Variants in HTR3E observed in about 807,000 individuals in gnomAD.
HTR3E encodes 5-hydroxytryptamine (serotonin) receptor 3, family member E.
Under a neutral mutation model 38.0 loss-of-function variants are expected in HTR3E, and 38 were observed. The ratio of observed to expected loss-of-function variants is 1.00; its 90% confidence interval spans 0.77 to 1.31. The LOEUF is 1.31. HTR3E is among the 50% of genes most tolerant of loss of function. The probability of loss-of-function intolerance (pLI) is 0.00; values close to 1 mark genes in which losing one functional copy is unlikely to be tolerated. For missense variants in HTR3E, 547 were observed against 585.2 expected (o/e 0.93, Z 0.67); for synonymous variants, 210 against 232.9 (o/e 0.90, Z 0.89).
chr3:184,097,577 T>G lies in HTR3E; in HGVS notation c.48T>G (p.Leu16=). The G allele has an allele frequency of 6.5e-7, 1 of 1,535,858 alleles. No individual in the cohort carries two copies. Among genetic ancestry groups the G allele is most frequent in the Non-Finnish European group, 8.7e-7 (1 of 1,146,710 alleles). ...GGAAAAGATTTTCCTTCTACCTCCT[T>G]CTCGGTTTTCTGCTTCAAGGTAAGA... is the stretch of plus-strand genomic sequence containing the variant. ...FHRKRFSFYL[L]LGFLLQGRGV... Residue 16 remains leucine, a synonymous_variant, in exon 1 of 9, where the codon CTT becomes CTG. Coordinates refer to ENST00000415389, the MANE Select transcript of HTR3E (RefSeq NM_001256613.2).
intron 2 of HTR3E, among the ~76,000 whole-genome samples, chr3:184,101,090 T>C (rs929578059): frequency 6.6e-6 from 1 of 152,128 alleles, no homozygotes; most frequent in Non-Finnish European, 1.5e-5. Context: ...ATTTCAGGCA[T>C]GCGTCACAAC....
rs757773747 is a variant in HTR3E, at chr3:184,101,546, A to G, written c.279+17A>G. 6.3e-7 allele frequency: 1 copy of G among 1,589,804 alleles called. No homozygotes were observed. The highest frequency in any genetic ancestry group is 8.6e-7 in the Non-Finnish European group (1 of 1,157,716). On this transcript the variant is annotated intron_variant, in intron 3 of 8. Transcript: ENST00000415389. Reference sequence around the variant, plus strand: ...CTGGAAATGGTATGGACAACACTTTATTCTCTCCCTACAGTTACAGTCAAA... The same window carrying G: ...CTGGAAATGGTATGGACAACACTTTGTTCTCTCCCTACAGTTACAGTCAAA...
rs1316583238 is a variant in HTR3E at position 184,105,415 on chromosome 3, G to A, written c.708G>A (p.Gln236=). The part of the protein sequence containing the change: ...KLSRGGNLYD[Q]IVFYVAIRRR... ...CCAGGGGAGGCAACCTGTATGATCA[G>A]ATCGTGTTCTATGTGAGCTTGGAGG... Residue 236 remains glutamine, a synonymous_variant, in exon 6 of 9, where the codon CAG becomes CAA. Transcript: ENST00000415389. 1 of 1,609,218 alleles carries A rather than the reference G, an allele frequency of 6.2e-7. No homozygotes were observed.
intron 2 of HTR3E, 42 bp downstream of exon 2, chr3:184,100,693 T>G: frequency 6.3e-7 from 1 of 1,583,334 alleles, no homozygotes. Context: ...GTCCTTAACC[T>G]TTTTCCAGCC....
At position 184,105,247 on chromosome 3, in the gene HTR3E, C is replaced by T; in HGVS notation, c.560-20C>T. On this transcript the variant is annotated intron_variant, in intron 5 of 8. Coordinates refer to ENST00000415389, the MANE Select transcript of HTR3E (RefSeq NM_001256613.2). ...GAAACTATCTCCTTGAAAAATGATT[C>T]AGATGGTTCTCATTTTCAGTGGACA... The T allele has an allele frequency of 6.3e-7, 1 of 1,588,740 alleles. No homozygotes were observed. Among genetic ancestry groups the T allele is most frequent in the African/African-American group, 1.4e-5 (1 of 73,866 alleles).
At chr3:184,101,985 A>G (rs1275096379) in intron 3 of HTR3E, among the ~76,000 whole-genome samples, 4 of 152,064 alleles carry the variant, frequency 2.6e-5, no homozygotes, top group African/African-American at 9.7e-5. Flanking sequence ...GTGAGACTCT[A>G]TCTCAAAAAC....
Position 184,100,510 on chromosome 3 carries a change from T to C in HTR3E, c.93T>C (p.Asn31=), listed in dbSNP as rs758542008. Residue 31 remains asparagine, a synonymous_variant, in exon 2 of 9, where the codon AAT becomes AAC. Coordinates refer to ENST00000415389, the MANE Select transcript of HTR3E (RefSeq NM_001256613.2). ...LQGRGVTFTI[N]CSGFGQHGAD... ...GAAGGGGCGTTACTTTCACCATCAA[T>C]TGCTCAGGGTTTGGCCAGCACGGGG... 5.6e-6 allele frequency: 9 copies of C among 1,614,036 alleles called. No homozygotes were observed. The Admixed American group carries it at 1.2e-4, about 21-fold the overall frequency.
In HTR3E at chr3:184,104,783, C is replaced by T. The variant is rs762037584; in HGVS notation, c.390-4C>T. On this transcript the variant is annotated splice_region_variant and splice_polypyrimidine_tract_variant and intron_variant, in intron 4 of 8. Transcript: ENST00000415389. Reference sequence around the variant, plus strand: ...ACCTGCCTCTTGCGTTATCTCTCCTCCAGCATGGATGTGGATAAGACCCCA... The same window carrying T: ...ACCTGCCTCTTGCGTTATCTCTCCTTCAGCATGGATGTGGATAAGACCCCA... 5 of 1,607,114 alleles carry T rather than the reference C, an allele frequency of 3.1e-6. No homozygotes were observed. The highest frequency in any genetic ancestry group is 4.2e-6 in the Non-Finnish European group (5 of 1,177,132).
chr3:184,098,800 T>G (rs181675735), intron 1 of HTR3E, among the ~76,000 whole-genome samples: 1 of 152,050 alleles, frequency 6.6e-6, no homozygotes, highest in Admixed American at 6.5e-5. Flanking sequence ...ATCCCAGCAC[T>G]TGGGACGCTG....
In HTR3E at chr3:184,101,478, T is replaced by C; in HGVS notation, c.235-7T>C. The C allele has an allele frequency of 6.2e-7, 1 of 1,613,654 alleles. No homozygotes were observed. The highest frequency in any genetic ancestry group is 1.7e-4 in the Middle Eastern group (1 of 6,058). On this transcript the variant is annotated splice_region_variant and splice_polypyrimidine_tract_variant and intron_variant, in intron 2 of 8. Coordinates refer to ENST00000415389, the MANE Select transcript of HTR3E (RefSeq NM_001256613.2). Reference sequence around the variant, plus strand: ...AACATGATGGAAATAGGAAATTCTTTTGGCAGAATGAACAGCTGCACCTCT... The same window carrying C: ...AACATGATGGAAATAGGAAATTCTTCTGGCAGAATGAACAGCTGCACCTCT...
At position 184,106,345 on chromosome 3, in the gene HTR3E, T is replaced by C. The variant is rs1712457867; in HGVS notation, c.1141+2T>C. ...GTCTCACCCCCACCCACCTGCCCGGTGAGGGAAGTCACATTCCTCTTCCCC... is the reference window on the plus strand; with the variant it reads ...GTCTCACCCCCACCCACCTGCCCGGCGAGGGAAGTCACATTCCTCTTCCCC... On this transcript the variant is annotated splice_donor_variant, in intron 8 of 8. Transcript: ENST00000415389. LOFTEE classifies it high-confidence loss of function. The surrounding 1 kb of genome is among the most constrained non-coding windows in gnomAD (Gnocchi z 4.1). 1 of 1,606,380 alleles carries C rather than the reference T, an allele frequency of 6.2e-7. No individual in the cohort carries two copies. The highest frequency in any genetic ancestry group is 1.1e-5 in the South Asian group (1 of 90,242).
At position 184,105,671 on chromosome 3, in the gene HTR3E, G is replaced by C. The variant is rs1014680687; in HGVS notation, c.721-94G>C. 3.1e-5 allele frequency: 36 copies of C among 1,163,088 alleles called. No homozygotes were observed. In the African/African-American group the frequency reaches 4.9e-4, roughly 16 times the overall value. The allele number at this position is 1,163,088 out of a possible 1,614,324, so 72.0% of individuals were successfully genotyped here. ...GATCCCAGGGTGATATCAGGCCAAAGAAAAAGGCAGAGACAGAAATTGTCA... is the reference window on the plus strand; with the variant it reads ...GATCCCAGGGTGATATCAGGCCAAACAAAAAGGCAGAGACAGAAATTGTCA... On this transcript the variant is annotated intron_variant, in intron 6 of 8. Transcript: ENST00000415389.
rs1560097393 is a variant in HTR3E at position 184,105,971 on chromosome 3, T to C, written c.925+2T>C. 5 of 1,614,068 alleles carry C rather than the reference T, an allele frequency of 3.1e-6. No homozygotes were observed. The highest frequency in any genetic ancestry group is 3.4e-6 in the Non-Finnish European group (4 of 1,179,954). ...CCACCAGTGGCACCCCCCTCATCGG[T>C]ATGGCTCCTCCCACCTTTTGGAAGA... On this transcript the variant is annotated splice_donor_variant, in intron 7 of 8. Transcript: ENST00000415389. LOFTEE classifies it high-confidence loss of function.
At position 184,104,357 on chromosome 3, in the gene HTR3E, C is replaced by T. The variant is rs13322315; in HGVS notation, c.389+66C>T. ...GGTAGCCACAGAGATCACAGTTTAC[C>T]ATTGGGGCCACTGTAAGTGGTCTTT... On this transcript the variant is annotated intron_variant, in intron 4 of 8. Transcript: ENST00000415389. The T allele has an allele frequency of 5.7e-3, 8,792 of 1,551,490 alleles. 434 individuals are homozygous for T. The African/African-American group carries it at 0.11, about 19-fold the overall frequency.
In HTR3E at chr3:184,097,443, G is replaced by T; in HGVS notation, c.-87G>T. The T allele has an allele frequency of 1.1e-6, 1 of 905,436 alleles. No homozygotes were observed. Among genetic ancestry groups the T allele is most frequent in the South Asian group, 1.5e-5 (1 of 67,446 alleles). 56.1% of individuals were successfully genotyped at this position (905,436 alleles called of 1,614,324 possible). A position where few individuals can be genotyped will look rare whatever the true frequency, so the allele number is the denominator to read the frequency against. ...TCAACCAATGCTATTAGTATTCAAA[G>T]TCAGACTCTAGGTGTGGCCTGTGCT... is the stretch of plus-strand genomic sequence containing the variant. On this transcript the variant is annotated 5_prime_UTR_variant, in exon 1 of 9. Transcript: ENST00000415389.
intron 4 of HTR3E, 116 bp downstream of exon 4, chr3:184,104,407 G>C: frequency 1.4e-6 from 2 of 1,464,456 alleles, no homozygotes; most frequent in Non-Finnish European, 1.8e-6. Flanking sequence ...CAACCAGAGA[G>C]ATAAGAAGAG....
At position 184,105,978 on chromosome 3, in the gene HTR3E, C is replaced by T. The variant is rs369532141; in HGVS notation, c.925+9C>T. 2.5e-6 allele frequency: 4 copies of T among 1,613,884 alleles called. No homozygotes were observed. Among genetic ancestry groups the T allele is most frequent in the African/African-American group, 2.7e-5 (2 of 74,892 alleles). On this transcript the variant is annotated intron_variant, in intron 7 of 8. Transcript: ENST00000415389. ...TGGCACCCCCCTCATCGGTATGGCT[C>T]CTCCCACCTTTTGGAAGAGAAGGGT...
intron 2 of HTR3E, among the ~76,000 whole-genome samples, chr3:184,100,930 G>GTTTTGTTTTTGT (rs75546665): frequency 3.8e-4 from 57 of 151,252 alleles, no homozygotes; most frequent in African/African-American, 1.3e-3. Context: ...CCTCGTTTTT[G>GTTTTGTTTTTGT]TTTTGTTTTT....
At chr3:184,100,022 A>G (rs1403930506) in intron 1 of HTR3E, among the ~76,000 whole-genome samples, 1 of 151,988 alleles carries the variant, frequency 6.6e-6, no homozygotes, top group Non-Finnish European at 1.5e-5. Context: ...CAGCTTTGCT[A>G]CATTAGCTTC....
Sources: allele counts gnomAD v4.1 joint callset (sites outside exome capture counted in the v4.1 genomes callset), GRCh38; gene constraint gnomAD v4.1.1; non-coding constraint Gnocchi (gnomAD v3.1); transcripts MANE v1.5; gene names NCBI Gene and HGNC (gene_info 2026-07-23, HGNC 2026-07-21).